The following COL4A4 variants were observed in gnomAD, a reference collection of about 807,000 sequenced individuals.
COL4A4 encodes collagen type IV alpha 4 chain, also known as collagen alpha-4(IV) chain.
A neutral mutation model predicts 192.9 loss-of-function variants in COL4A4; 105 were observed. That is an observed-to-expected ratio of 0.54 (90% CI 0.46 to 0.64). The LOEUF (loss-of-function observed/expected upper bound fraction) is 0.64, where lower values mean the gene tolerates loss of function less well. Ranked by LOEUF, COL4A4 falls within the 30% of genes least tolerant of loss-of-function variation. COL4A4 has a pLI of 0.00. For synonymous variants in COL4A4, 762 were observed against 769.9 expected (o/e 0.99, Z 0.17); for missense variants, 1,967 against 2,169.3 (o/e 0.91, Z 1.85).
chr2:227,074,695 C>CA (rs1365244533), intron 25 of COL4A4, among the ~76,000 whole-genome samples: 4 of 151,980 alleles, frequency 2.6e-5, no homozygotes, highest in Non-Finnish European at 4.4e-5. Context: ...ATGTGGTATA[C>CA]AAAAAACATG....
intron 1 of COL4A4, among the ~76,000 whole-genome samples, chr2:227,150,820 T>C (rs1450056368): frequency 6.6e-6 from 1 of 151,978 alleles, no homozygotes; most frequent in Admixed American, 6.6e-5. Context: ...TATCTCCACC[T>C]GGTCCCACCC....
At chr2:227,131,794 G>A (rs2062489412) in intron 4 of COL4A4, among the ~76,000 whole-genome samples, 2 of 152,174 alleles carry the variant, frequency 1.3e-5, no homozygotes, top group Non-Finnish European at 2.9e-5. Flanking sequence ...GGACGCAGAG[G>A]GAGATTGATG....
chr2:227,070,613 G>C (rs561653775), intron 25 of COL4A4, among the ~76,000 whole-genome samples: 1 of 150,254 alleles, frequency 6.7e-6, no homozygotes, highest in African/African-American at 2.5e-5. Context: ...GTAAACTATC[G>C]CAAGAACAAA....
intron 26 of COL4A4, 97 bp from the exon 27 acceptor site, chr2:227,060,340 A>G: frequency 1.2e-6 from 1 of 844,750 alleles, no homozygotes; most frequent in Non-Finnish European, 1.9e-6. Context: ...AAGTCCTTTT[A>G]GAATATTTCT....
rs1559475846 is a variant in COL4A4 at position 227,041,775 on chromosome 2, G to GGAAAGA, written c.3505+372_3505+373insTCTTTC. On this transcript the variant is annotated intron_variant, in intron 37 of 47. Transcript: ENST00000396625. Reference sequence around the variant, plus strand: ...GGAAGGAAGGAAGGAAGGAAGGAAGGAAGGAAGGAAGGGAAAGAAAGAAAG... The same window carrying GGAAAGA: ...GGAAGGAAGGAAGGAAGGAAGGAAGGGAAAGAAAGGAAGGAAGGGAAAGAAAGAAAG... Among the ~76,000 whole-genome samples the GGAAAGA allele has an allele frequency of 5.0e-4, 38 of 76,472 alleles. 3 individuals are homozygous for GGAAAGA. The highest frequency in any genetic ancestry group is 2.9e-3 in the East Asian group (7 of 2,378). 50.2% of individuals were successfully genotyped at this position (76,472 alleles called of 152,430 possible).
chr2:227,020,492 A>G (rs1427756663), intron 44 of COL4A4, among the ~76,000 whole-genome samples: 2 of 152,234 alleles, frequency 1.3e-5, no homozygotes, highest in East Asian at 3.8e-4. Context: ...GGAAGGCTCC[A>G]GGGCTGTTTT....
At chr2:227,138,832 G>C (rs2125273421) in intron 4 of COL4A4, among the ~76,000 whole-genome samples, 1 of 152,290 alleles carries the variant, frequency 6.6e-6, no homozygotes, top group African/African-American at 2.4e-5. Flanking sequence ...GCAATACCAT[G>C]AGAGAAATAT....
the COL4A4 span, among the ~76,000 whole-genome samples, chr2:226,976,372 T>C: frequency 6.6e-6 from 1 of 151,286 alleles, no homozygotes; most frequent in East Asian, 1.9e-4. Flanking sequence ...AGACGTCTGC[T>C]TCAGCTGCTT....
In COL4A4 at chr2:227,027,976, T is replaced by G; in HGVS notation, c.4007A>C (p.His1336Pro). 6.2e-7 allele frequency: 1 copy of G among 1,613,554 alleles called. No homozygotes were observed. The highest frequency in any genetic ancestry group is 8.5e-7 in the Non-Finnish European group (1 of 1,179,726). Residue 1336 changes from histidine (H) to proline (P), a missense_variant, in exon 42 of 48, where the codon CAT becomes CCT. Transcript: ENST00000396625. ...PVGFPGPQGP[H>P]GFPGPPGEKG... ...CTCTCCAGGTGGCCCAGGAAATCCATGTGGTCCCTGCGGTCCCGGGAATCC... is the reference window on the plus strand; with the variant it reads ...CTCTCCAGGTGGCCCAGGAAATCCAGGTGGTCCCTGCGGTCCCGGGAATCC...
chr2:227,119,836 G>T, intron 6 of COL4A4, 59 bp downstream of exon 6: 1 of 1,191,428 alleles, frequency 8.4e-7, no homozygotes, highest in South Asian at 1.6e-5. Context: ...TGGTTTTAAG[G>T]ATTTTGATGA....
intron 35 of COL4A4, among the ~76,000 whole-genome samples, chr2:227,044,069 A>G (rs1292003978): frequency 1.3e-5 from 2 of 152,170 alleles, no homozygotes; most frequent in African/African-American, 2.4e-5. Context: ...GTTCTTCTCT[A>G]GTTTTCTAGA....
chr2:227,126,621 G>T (rs1004797435), intron 4 of COL4A4, among the ~76,000 whole-genome samples: 26 of 152,070 alleles, frequency 1.7e-4, no homozygotes, highest in Non-Finnish European at 3.7e-4. Flanking sequence ...ATTTAGTGCG[G>T]TTTTTTTGTA....
downstream of COL4A4, among the ~76,000 whole-genome samples, chr2:227,002,128 C>T (rs1456560178): frequency 7.1e-6 from 1 of 140,336 alleles, no homozygotes; most frequent in Non-Finnish European, 1.5e-5. Context: ...CATGATTGTA[C>T]CACTGAACTC....
At chr2:226,982,441 T>C in the COL4A4 span, among the ~76,000 whole-genome samples, 4 of 152,232 alleles carry the variant, frequency 2.6e-5, no homozygotes, top group African/African-American at 9.6e-5. Context: ...TAATCAGGCT[T>C]ATGGTAGTTA....
chr2:227,017,529 C>G (rs1340598805), intron 44 of COL4A4, among the ~76,000 whole-genome samples: 1 of 152,148 alleles, frequency 6.6e-6, no homozygotes, highest in Non-Finnish European at 1.5e-5. Flanking sequence ...AGGAACAGTT[C>G]AAAACAAAAT....
chr2:226,992,271 T>C, the COL4A4 span, among the ~76,000 whole-genome samples: 3 of 152,150 alleles, frequency 2.0e-5, no homozygotes, highest in Non-Finnish European at 4.4e-5. Context: ...CAGTAGTCGG[T>C]GTAGGTTAGG....
rs144703424 is a variant in COL4A4, at chr2:227,005,234, T to C, written c.*2091A>G. 312 of 152,044 alleles carry C rather than the reference T, an allele frequency of 2.1e-3. 3 individuals are homozygous for C. Among genetic ancestry groups the C allele is most frequent in the African/African-American group, 7.3e-3 (302 of 41,516 alleles). The allele number at this position is 152,044 out of a possible 1,614,324, so 9.4% of individuals were successfully genotyped here. ...TTTTTTTTACTTATTTATTAACTTA[T>C]GAAGATAATATTCTAATACCAACAT... On this transcript the variant is annotated 3_prime_UTR_variant, in exon 48 of 48. Coordinates refer to ENST00000396625, the MANE Select transcript of COL4A4 (RefSeq NM_000092.5).
At chr2:227,137,980 T>A (rs1051199324) in intron 4 of COL4A4, among the ~76,000 whole-genome samples, 4 of 152,116 alleles carry the variant, frequency 2.6e-5, no homozygotes, top group Non-Finnish European at 5.9e-5. Flanking sequence ...GAAGCTTCAC[T>A]TTTAAAATTA....
intron 22 of COL4A4, among the ~76,000 whole-genome samples, chr2:227,084,983 T>A (rs2059512729): frequency 6.6e-6 from 1 of 151,698 alleles, no homozygotes; most frequent in African/African-American, 2.4e-5. Context: ...AATACAAAAT[T>A]AGCTGGGTGT....
Sources: gnomAD v4.1 joint callset for allele counts (sites outside exome capture counted in the v4.1 genomes callset) on GRCh38, gnomAD v4.1.1 for gene constraint, MANE v1.5 for transcripts, NCBI Gene and HGNC (gene_info 2026-07-23, HGNC 2026-07-21) for gene names.